L3MBTL4: variants seen among roughly 807,000 people sequenced by gnomAD.
L3MBTL4 encodes lethal(3)malignant brain tumor-like protein 4.
A neutral mutation model predicts 84.5 loss-of-function variants in L3MBTL4; 70 were observed. That is an observed-to-expected ratio of 0.83 (90% CI 0.68 to 1.01). L3MBTL4 has a LOEUF of 1.01. L3MBTL4 is among the 50% of genes least tolerant of loss of function. The pLI, the probability that L3MBTL4 is intolerant of heterozygous loss-of-function variation, is 0.00. For synonymous variants in L3MBTL4, 274 were observed against 259.8 expected (o/e 1.05, Z -0.52); for missense variants, 715 against 754.8 (o/e 0.95, Z 0.62).
intron 14 of L3MBTL4, among the ~76,000 whole-genome samples, chr18:6,115,712 G>T (rs1337715900): frequency 6.6e-6 from 1 of 152,238 alleles, no homozygotes; most frequent in Non-Finnish European, 1.5e-5. Flanking sequence ...TACAGAGTAA[G>T]CATGGCATGA....
intron 15 of L3MBTL4, among the ~76,000 whole-genome samples, chr18:6,083,132 C>T (rs138992381): frequency 0.012 from 1,877 of 152,272 alleles, 23 homozygotes; most frequent in Non-Finnish European, 0.018. Flanking sequence ...ACTCCAAATC[C>T]AGGTTTCTTT....
intron 5 of L3MBTL4, among the ~76,000 whole-genome samples, chr18:6,248,211 G>T (rs761998174): frequency 1.3e-5 from 2 of 152,042 alleles, no homozygotes; most frequent in Non-Finnish European, 2.9e-5. Context: ...ATCCTACAGG[G>T]CCTCTTACAG....
At chr18:6,342,084 C>T (rs911612144) in intron 1 of L3MBTL4, among the ~76,000 whole-genome samples, 1 of 152,124 alleles carries the variant, frequency 6.6e-6, no homozygotes, top group South Asian at 2.1e-4. Context: ...AAAACAAAAG[C>T]TGTGGGAGTT....
intron 13 of L3MBTL4, among the ~76,000 whole-genome samples, chr18:6,167,985 A>T (rs577283890): frequency 3.3e-5 from 5 of 152,348 alleles, no homozygotes; most frequent in African/African-American, 1.2e-4. Flanking sequence ...AAGTCTCAGG[A>T]TACAAAATCA....
intron 16 of L3MBTL4, among the ~76,000 whole-genome samples, chr18:6,074,059 TTTTG>T (rs997273623): frequency 5.9e-5 from 9 of 151,982 alleles, no homozygotes; most frequent in South Asian, 2.1e-4. Flanking sequence ...TGAAGTGTTT[TTTTG>T]TTTGTTTGTT....
intron 15 of L3MBTL4, among the ~76,000 whole-genome samples, chr18:6,084,344 T>C (rs952167577): frequency 6.6e-6 from 1 of 152,172 alleles, no homozygotes; most frequent in Non-Finnish European, 1.5e-5. Flanking sequence ...GAGACCTTTA[T>C]AGCTGGCCAC....
intron 1 of L3MBTL4, among the ~76,000 whole-genome samples, chr18:6,356,300 G>T (rs147228214): frequency 6.6e-6 from 1 of 152,374 alleles, no homozygotes; most frequent in East Asian, 1.9e-4. Context: ...TCGAAGAGGA[G>T]ATGGCAATCA....
intron 16 of L3MBTL4, among the ~76,000 whole-genome samples, chr18:6,053,465 A>G (rs1016557719): frequency 1.3e-5 from 2 of 152,196 alleles, no homozygotes; most frequent in Admixed American, 1.3e-4. Context: ...TTGTCTGATA[A>G]CTGGTACTAT....
chr18:6,063,024 T>C (rs1350626168), intron 16 of L3MBTL4, among the ~76,000 whole-genome samples: 3 of 151,884 alleles, frequency 2.0e-5, no homozygotes, highest in Non-Finnish European at 2.9e-5. Context: ...GTCCATTATA[T>C]CACTCTTGTG....
chr18:6,411,974 A>T (rs1200375746), intron 1 of L3MBTL4, among the ~76,000 whole-genome samples: 1 of 152,230 alleles, frequency 6.6e-6, no homozygotes, highest in Non-Finnish European at 1.5e-5. Flanking sequence ...ATTTTAGTAG[A>T]GTAATTTGAT....
chr18:6,070,780 T>C (rs1598633843), intron 16 of L3MBTL4, among the ~76,000 whole-genome samples: 1 of 151,930 alleles, frequency 6.6e-6, no homozygotes, highest in Non-Finnish European at 1.5e-5. Flanking sequence ...TGAGGCTGCA[T>C]TGAGCTGTGA....
intron 16 of L3MBTL4, among the ~76,000 whole-genome samples, chr18:6,042,048 T>C (rs1480996643): frequency 6.6e-6 from 1 of 152,122 alleles, no homozygotes; most frequent in Non-Finnish European, 1.5e-5. Context: ...AACTTCCGCT[T>C]CCTTCAATAT....
intron 4 of L3MBTL4, among the ~76,000 whole-genome samples, chr18:6,278,338 C>T (rs774685338): frequency 1.4e-4 from 21 of 151,914 alleles, no homozygotes; most frequent in Admixed American, 2.6e-4. Context: ...CATTACATGG[C>T]GAGTCATGTA....
intron 16 of L3MBTL4, among the ~76,000 whole-genome samples, chr18:6,029,167 A>G (rs1012367459): frequency 1.3e-5 from 2 of 152,228 alleles, no homozygotes; most frequent in African/African-American, 2.4e-5. Context: ...AAATAAAAGA[A>G]CAGCCAACAG....
intron 7 of L3MBTL4, among the ~76,000 whole-genome samples, chr18:6,242,767 G>A: frequency 6.6e-6 from 1 of 152,168 alleles, no homozygotes; most frequent in Non-Finnish European, 1.5e-5. Flanking sequence ...ACAGCAAATC[G>A]AAAAGGTTTT....
At chr18:6,311,782 T>C in intron 2 of L3MBTL4, 126 bp from the exon 3 acceptor site, 1 of 615,746 alleles carries the variant, frequency 1.6e-6, no homozygotes, top group South Asian at 2.0e-5. Flanking sequence ...ACCTGATAAG[T>C]TGACAAAAAC....
At chr18:6,281,695 C>T (rs941994356) in intron 4 of L3MBTL4, among the ~76,000 whole-genome samples, 1 of 152,048 alleles carries the variant, frequency 6.6e-6, no homozygotes, top group African/African-American at 2.4e-5. Context: ...TTCAGATTTG[C>T]TATTATAAAA....
At chr18:6,067,632 G>C (rs2057444069) in intron 16 of L3MBTL4, among the ~76,000 whole-genome samples, 1 of 152,004 alleles carries the variant, frequency 6.6e-6, no homozygotes, top group African/African-American at 2.4e-5. Flanking sequence ...ATTTCCAGAA[G>C]TTCTGACTGG....
At chr18:6,051,128 G>A (rs1465597018) in intron 16 of L3MBTL4, among the ~76,000 whole-genome samples, 1 of 152,184 alleles carries the variant, frequency 6.6e-6, no homozygotes, top group Admixed American at 6.5e-5. Flanking sequence ...ACAGAACACA[G>A]AGCACCAAGC....
Sources: gnomAD v4.1 joint callset for allele counts (sites outside exome capture counted in the v4.1 genomes callset) on GRCh38, gnomAD v4.1.1 for gene constraint, MANE v1.5 for transcripts, NCBI Gene and HGNC (gene_info 2026-07-23, HGNC 2026-07-21) for gene names.